GOLGA1: variants seen among roughly 807,000 people sequenced by gnomAD.
GOLGA1 encodes golgin subfamily A member 1.
Under a neutral mutation model 119.7 loss-of-function variants are expected in GOLGA1, and 63 were observed. The ratio of observed to expected loss-of-function variants is 0.53; its 90% CI spans 0.43 to 0.65. The LOEUF (loss-of-function observed/expected upper bound fraction) is 0.65. Among genes scored for constraint, GOLGA1 ranks in the 30% least tolerant of loss-of-function variants. The pLI, the probability that GOLGA1 is intolerant of heterozygous loss-of-function variation, is 0.00. For synonymous variants in GOLGA1, 318 were observed against 333.4 expected (o/e 0.95, Z 0.50); for missense variants, 798 against 912.8 (o/e 0.87, Z 1.62).
At chr9:124,942,854 G>C (rs1588106713), upstream of GOLGA1, 1 of 152,122 alleles carries the variant, frequency 6.6e-6, no homozygotes, top group East Asian at 1.9e-4. Context: ...TGCCCTCAAG[G>C]TGGTAGGCAC....
intron 7 of GOLGA1, among the ~76,000 whole-genome samples, chr9:124,926,462 G>A (rs577673956): frequency 5.3e-5 from 8 of 152,260 alleles, no homozygotes; most frequent in African/African-American, 1.9e-4. Flanking sequence ...TTCTATCGGC[G>A]TTCAGGTACA....
At chr9:124,887,113 A>C (rs1175455795) in intron 19 of GOLGA1, among the ~76,000 whole-genome samples, 1 of 152,204 alleles carries the variant, frequency 6.6e-6, no homozygotes, top group Non-Finnish European at 1.5e-5. Context: ...GGTGTCGGGA[A>C]GGCAGTGATC....
intron 15 of GOLGA1, among the ~76,000 whole-genome samples, chr9:124,896,751 A>C (rs1364554270): frequency 6.6e-6 from 1 of 152,220 alleles, no homozygotes; most frequent in Non-Finnish European, 1.5e-5. Context: ...AAATCAGCCT[A>C]GTTAACATAG....
Position 124,938,740 on chromosome 9 carries a change from G to A in GOLGA1, c.-29C>T. On this transcript the variant is annotated 5_prime_UTR_variant, in exon 3 of 23. Transcript: ENST00000373555. ...TGCTGTGTGGCTATCCTGCACAGAT[G>A]ACGAGCTCTCAGTAGTCCTGGTGCC... is the stretch of plus-strand genomic sequence containing the variant. The A allele has an allele frequency of 1.9e-6, 3 of 1,600,442 alleles. No homozygotes were observed. Among genetic ancestry groups the A allele is most frequent in the Non-Finnish European group, 2.6e-6 (3 of 1,172,882 alleles).
At chr9:124,884,256 C>T (rs1315884139) in intron 19 of GOLGA1, among the ~76,000 whole-genome samples, 1 of 146,298 alleles carries the variant, frequency 6.8e-6, no homozygotes, top group Non-Finnish European at 1.5e-5. Context: ...AGGTGATCTG[C>T]CCGCCTTGGC....
At chr9:124,921,463 AGT>A (rs1470360457) in intron 9 of GOLGA1, among the ~76,000 whole-genome samples, 4 of 152,206 alleles carry the variant, frequency 2.6e-5, no homozygotes, top group Non-Finnish European at 5.9e-5. Flanking sequence ...GCCTTTCCTT[AGT>A]CTATTAATAC....
intron 3 of GOLGA1, among the ~76,000 whole-genome samples, chr9:124,936,228 CT>C (rs1830864869): frequency 6.6e-6 from 1 of 152,078 alleles, no homozygotes. Flanking sequence ...CTTATATTTC[CT>C]CTTAAATATA....
intron 3 of GOLGA1, among the ~76,000 whole-genome samples, chr9:124,935,693 A>G (rs2131534606): frequency 1.4e-5 from 2 of 147,936 alleles, no homozygotes; most frequent in Non-Finnish European, 3.0e-5. Flanking sequence ...GCTACTTGGG[A>G]GGCTGAGTGA....
chr9:124,932,596 G>A (rs1167949463), intron 3 of GOLGA1, among the ~76,000 whole-genome samples: 1 of 152,198 alleles, frequency 6.6e-6, no homozygotes, highest in African/African-American at 2.4e-5. Flanking sequence ...ATCAATACTT[G>A]TCAAATCCCT....
chr9:124,922,211 G>C (rs1359243023), intron 8 of GOLGA1, among the ~76,000 whole-genome samples: 2 of 148,666 alleles, frequency 1.3e-5, no homozygotes, highest in African/African-American at 2.5e-5. Flanking sequence ...CTGGGTGACA[G>C]AGCTAGGCTC....
intron 19 of GOLGA1, among the ~76,000 whole-genome samples, chr9:124,886,280 G>A (rs1829718361): frequency 6.6e-6 from 1 of 152,228 alleles, no homozygotes. Flanking sequence ...GAGAAGAGCT[G>A]TGAGGGCTGC....
rs1413458160 is a variant in GOLGA1, at chr9:124,898,637, A to C, written c.1319T>G (p.Leu440Arg). The change falls in exon 15 of 23, where the codon CTG becomes CGG. Residue 440 changes from leucine to arginine, a missense_variant. Coordinates refer to ENST00000373555, the MANE Select transcript of GOLGA1 (RefSeq NM_002077.4). ...QTTAEQGMRQ[L>R]EQENAALKEC... ...TTTAAGGGCTGCATTTTCTTGCTCCAGTTGTCTCTGCCAATTCAGAAGAAC... is the reference window on the plus strand; with the variant it reads ...TTTAAGGGCTGCATTTTCTTGCTCCCGTTGTCTCTGCCAATTCAGAAGAAC... The C allele has an allele frequency of 1.9e-6, 3 of 1,602,462 alleles. No homozygotes were observed. The highest frequency in any genetic ancestry group is 2.6e-6 in the Non-Finnish European group (3 of 1,169,840).
upstream of GOLGA1, chr9:124,944,466 ATTTTTTTTTTTTTT>A (rs71374207): frequency 5.9e-5 from 5 of 84,724 alleles, no homozygotes; most frequent in South Asian, 1.4e-3. Context: ...TGCCTGGCTA[ATTTTTTTTTTTTTT>A]TTTTTTTTTT....
upstream of GOLGA1, among the ~76,000 whole-genome samples, chr9:124,941,428 A>G (rs535464357): frequency 5.3e-5 from 8 of 152,296 alleles, no homozygotes; most frequent in African/African-American, 1.7e-4. Context: ...TGTGCTGGCT[A>G]CAAACCCGGC....
At chr9:124,890,815 G>T (rs1037694694) in intron 15 of GOLGA1, among the ~76,000 whole-genome samples, 4 of 152,182 alleles carry the variant, frequency 2.6e-5, no homozygotes, top group Non-Finnish European at 5.9e-5. Context: ...AGACTCGCAG[G>T]CCACGTGAAT....
At chr9:124,930,377 T>A (rs1329697282) in intron 4 of GOLGA1, among the ~76,000 whole-genome samples, 1 of 152,204 alleles carries the variant, frequency 6.6e-6, no homozygotes, top group Non-Finnish European at 1.5e-5. Context: ...TAGCATCAAA[T>A]AAATCTGGGT....
At chr9:124,889,912 G>A (rs574463872) in intron 16 of GOLGA1, among the ~76,000 whole-genome samples, 1 of 152,308 alleles carries the variant, frequency 6.6e-6, no homozygotes, top group East Asian at 1.9e-4. Flanking sequence ...GGTGTAAGTA[G>A]AAGGCTAGAG....
rs149403521 is a variant in GOLGA1, at chr9:124,883,609, G to A, written c.1906-1040C>T. ...ATTACTGGTTCCCACCACCACGCCC[G>A]GCTAATTTTTGTATTTTTAGTAGAG... On this transcript the variant is annotated intron_variant, in intron 19 of 22. Transcript: ENST00000373555. Among the ~76,000 whole-genome samples the A allele has an allele frequency of 2.9e-3, 438 of 151,944 alleles. 3 individuals are homozygous for A. Among genetic ancestry groups the A allele is most frequent in the African/African-American group, 9.6e-3 (396 of 41,458 alleles).
rs1889272 is a variant in GOLGA1, at chr9:124,888,630, G to C, written c.1762-234C>G. ...TGCTCTCCCCTGCCTACCGACAGGG[G>C]TGCCATCTGTGATGGGCTCTTCAGG... On this transcript the variant is annotated intron_variant, in intron 18 of 22. Coordinates refer to ENST00000373555, the MANE Select transcript of GOLGA1 (RefSeq NM_002077.4). The surrounding 1 kb of genome is among the most constrained non-coding windows in gnomAD (Gnocchi z 4.4). Among the ~76,000 whole-genome samples the C allele has an allele frequency of 0.58, 88,322 of 152,060 alleles. 26,079 individuals are homozygous for C. Among genetic ancestry groups the C allele is most frequent in the Non-Finnish European group, 0.58 (39,282 of 67,970 alleles).
Sources: allele counts gnomAD v4.1 joint callset (sites outside exome capture counted in the v4.1 genomes callset), GRCh38; gene constraint gnomAD v4.1.1; non-coding constraint Gnocchi (gnomAD v3.1); transcripts MANE v1.5; gene names NCBI Gene and HGNC (gene_info 2026-07-23, HGNC 2026-07-21).